IGFBP7: variants seen among roughly 807,000 people sequenced by gnomAD.
IGFBP7 encodes the protein insulin like growth factor binding protein 7.
Under a neutral mutation model 29.4 loss-of-function variants are expected in IGFBP7, and 31 were observed. That is an observed-to-expected ratio of 1.05 (90% confidence interval 0.79 to 1.42). IGFBP7 has a LOEUF of 1.42. Among genes scored for constraint, IGFBP7 ranks in the 40% most tolerant of loss-of-function variants. The pLI, the probability that IGFBP7 is intolerant of heterozygous loss-of-function variation, is 0.00. For missense variants in IGFBP7, 393 were observed against 395.5 expected (o/e 0.99, Z 0.05); for synonymous variants, 172 against 174.9 (o/e 0.98, Z 0.13).
intron 1 of IGFBP7, among the ~76,000 whole-genome samples, chr4:57,070,146 C>T (rs1481108298): frequency 6.6e-6 from 1 of 152,168 alleles, no homozygotes; most frequent in Non-Finnish European, 1.5e-5. Flanking sequence ...AGCACCAGCC[C>T]TCTGTAGGTC....
At chr4:57,099,749 G>C (rs1390402283) in intron 1 of IGFBP7, among the ~76,000 whole-genome samples, 1 of 152,126 alleles carries the variant, frequency 6.6e-6, no homozygotes, top group Non-Finnish European at 1.5e-5. Flanking sequence ...CCTATTTTTT[G>C]AGACAGGGTC....
chr4:57,073,168 T>A (rs541362673), intron 1 of IGFBP7: 57 of 1,519,620 alleles, frequency 3.8e-5, no homozygotes, highest in Non-Finnish European at 5.0e-5. Context: ...GTCGTCTTTT[T>A]AAGTTTTCCT....
chr4:57,096,809 T>C (rs1725773409), intron 1 of IGFBP7, among the ~76,000 whole-genome samples: 1 of 152,174 alleles, frequency 6.6e-6, no homozygotes, highest in South Asian at 2.1e-4. Context: ...ACTTTCTGAG[T>C]CGAAATACAT....
At chr4:57,072,791 C>A in intron 1 of IGFBP7, 2 of 544,608 alleles carry the variant, frequency 3.7e-6, no homozygotes, top group South Asian at 2.9e-5. Flanking sequence ...GGGGACCATC[C>A]ATTGAGCAGC....
chr4:57,053,086 G>T (rs537533277), intron 1 of IGFBP7, among the ~76,000 whole-genome samples: 7 of 146,212 alleles, frequency 4.8e-5, no homozygotes, highest in African/African-American at 1.3e-4. Context: ...GTACAATCTC[G>T]GCTCACTGCA....
chr4:57,077,583 A>C (rs1713979), intron 1 of IGFBP7, among the ~76,000 whole-genome samples: 95,998 of 152,074 alleles, frequency 0.63, 30,761 homozygotes, highest in East Asian at 0.89. Flanking sequence ...TGACCAAAAG[A>C]AGGCATATTT....
intron 1 of IGFBP7, among the ~76,000 whole-genome samples, chr4:57,071,871 C>G (rs1008371107): frequency 6.6e-6 from 1 of 152,214 alleles, no homozygotes; most frequent in South Asian, 2.1e-4. Context: ...TGCAGTGGCT[C>G]ATGCCTGTAA....
chr4:57,075,060 C>A (rs1725188177), intron 1 of IGFBP7, among the ~76,000 whole-genome samples: 1 of 152,208 alleles, frequency 6.6e-6, no homozygotes, highest in African/African-American at 2.4e-5. Context: ...TTACTCAGAG[C>A]CTTCTCTGCA....
intron 1 of IGFBP7, among the ~76,000 whole-genome samples, chr4:57,105,285 T>C (rs1462857001): frequency 6.6e-6 from 1 of 152,228 alleles, no homozygotes; most frequent in Non-Finnish European, 1.5e-5. Context: ...TGTGAAAATA[T>C]GTTTCCTTGT....
At chr4:57,060,856 C>G (rs1480993764) in intron 1 of IGFBP7, among the ~76,000 whole-genome samples, 1 of 152,084 alleles carries the variant, frequency 6.6e-6, no homozygotes, top group Non-Finnish European at 1.5e-5. Context: ...GAGGTCAAGG[C>G]TACAGTGAGC....
At chr4:57,034,422 A>G (rs1323685380) in intron 2 of IGFBP7, among the ~76,000 whole-genome samples, 3 of 152,062 alleles carry the variant, frequency 2.0e-5, no homozygotes. Flanking sequence ...CCAACCTGAC[A>G]TTTATTGATA....
chr4:57,052,569 G>A (rs1001757793), intron 1 of IGFBP7, among the ~76,000 whole-genome samples: 2 of 152,164 alleles, frequency 1.3e-5, no homozygotes, highest in Non-Finnish European at 2.9e-5. Context: ...AGTTCCATCA[G>A]CTCACTGCTG....
intron 1 of IGFBP7, chr4:57,073,159 T>C (rs1560501440): frequency 1.1e-5 from 18 of 1,573,892 alleles, no homozygotes; most frequent in Non-Finnish European, 1.4e-5. Flanking sequence ...TGTCCTTGTG[T>C]CGTCTTTTTA....
intron 1 of IGFBP7, among the ~76,000 whole-genome samples, chr4:57,054,367 G>T (rs371394192): frequency 6.6e-6 from 1 of 152,124 alleles, no homozygotes; most frequent in Non-Finnish European, 1.5e-5. Context: ...GCACGGGGTG[G>T]CTCATGCCCG....
intron 3 of IGFBP7, 136 bp from the exon 4 acceptor site, chr4:57,032,688 AAGT>A: frequency 2.7e-6 from 2 of 738,204 alleles, no homozygotes; most frequent in Non-Finnish European, 4.8e-6. Context: ...GAAGCAGTGC[AAGT>A]CCTGTGATAG....
Position 57,033,085 on chromosome 4 carries a change from T to G in IGFBP7, c.702+110A>C, listed in dbSNP as rs541417603. 11 of 809,444 alleles carry G rather than the reference T, an allele frequency of 1.4e-5. No homozygotes were observed. The East Asian group carries it at 1.9e-4, about 14-fold the overall frequency. The allele number at this position is 809,444 out of a possible 1,614,324, so 50.1% of individuals were successfully genotyped here. A position where few individuals can be genotyped will look rare whatever the true frequency, so the allele number is the denominator to read the frequency against. On this transcript the variant is annotated intron_variant, in intron 3 of 4. Coordinates refer to ENST00000295666, the MANE Select transcript of IGFBP7 (RefSeq NM_001553.3). Reference sequence around the variant, plus strand: ...ATGGTAAGGCTATTCCAAACAGATGTGGAAGAGCAAGCACCTTTAGGCTGG... The same window carrying G: ...ATGGTAAGGCTATTCCAAACAGATGGGGAAGAGCAAGCACCTTTAGGCTGG...
chr4:57,100,552 C>A (rs1173250456), intron 1 of IGFBP7, among the ~76,000 whole-genome samples: 1 of 152,210 alleles, frequency 6.6e-6, no homozygotes. Context: ...ACTTTGTTAT[C>A]ATACAGCATG....
Position 57,085,034 on chromosome 4 carries a change from C to T in IGFBP7, c.475+24843G>A, listed in dbSNP as rs556372630. Among the ~76,000 whole-genome samples the T allele has an allele frequency of 2.8e-3, 428 of 152,014 alleles. 5 individuals carry two copies. Among genetic ancestry groups the T allele is most frequent in the Non-Finnish European group, 2.0e-3 (135 of 67,986 alleles). On this transcript the variant is annotated intron_variant, in intron 1 of 4. Coordinates refer to ENST00000295666, the MANE Select transcript of IGFBP7 (RefSeq NM_001553.3). ...GAACTCCTGGGATCAAGCGATCCAC[C>T]CACCTTGGATTCCCAAAGTGCTGGG...
intron 1 of IGFBP7, among the ~76,000 whole-genome samples, chr4:57,074,771 A>G (rs1371891129): frequency 2.0e-5 from 3 of 152,240 alleles, no homozygotes; most frequent in Admixed American, 1.3e-4. Context: ...CCCAACTAAA[A>G]CACAGCCACA....
Sources: allele counts gnomAD v4.1 joint callset (sites outside exome capture counted in the v4.1 genomes callset), GRCh38; gene constraint gnomAD v4.1.1; transcripts MANE v1.5; gene names NCBI Gene and HGNC (gene_info 2026-07-23, HGNC 2026-07-21).